Variants in TJP1 observed in about 807,000 individuals in gnomAD.
The protein encoded by TJP1 is tight junction protein ZO-1.
In TJP1, 43 loss-of-function variants were observed where a neutral mutation model predicts 194.2. The observed-to-expected ratio is 0.22, with a 90% CI of 0.17 to 0.29. TJP1 has a LOEUF of 0.29. Among genes scored for constraint, TJP1 ranks in the 10% least tolerant of loss-of-function variants. TJP1 has a pLI of 1.00. For missense variants in TJP1, 1,971 were observed against 2,185.7 expected, an observed-to-expected ratio of 0.90 and a Z score of 1.96; for synonymous variants, 801 against 779.0, an observed-to-expected ratio of 1.03 and a Z score of -0.47.
intron 27 of TJP1, among the ~76,000 whole-genome samples, chr15:29,702,693 T>A (rs2041628520): frequency 1.3e-5 from 2 of 152,220 alleles, no homozygotes; most frequent in Non-Finnish European, 2.9e-5. Context: ...AGACATTACC[T>A]AAGCAATATC....
rs114193089 is a variant in TJP1, at chr15:29,753,857, T to C, written c.1010+7282A>G. Among the ~76,000 whole-genome samples, 1,356 of 150,060 alleles carry C rather than the reference T, an allele frequency of 9.0e-3. 27 individuals carry two copies. The highest frequency in any genetic ancestry group is 0.031 in the African/African-American group (1,263 of 40,994). ...AAAAAAACAAAGGTAAAGGACCTCA[T>C]GGTGAGCCTAAAAAAGAACACGTAG... is the stretch of plus-strand genomic sequence containing the variant. On this transcript the variant is annotated intron_variant, in intron 8 of 27. Coordinates refer to ENST00000614355, the MANE Select transcript of TJP1 (RefSeq NM_001330239.4).
At chr15:29,963,362 G>C (rs1393777053) in intron 1 of TJP1, among the ~76,000 whole-genome samples, 1 of 152,092 alleles carries the variant, frequency 6.6e-6, no homozygotes, top group Non-Finnish European at 1.5e-5. Flanking sequence ...AATTGTATGA[G>C]TCTGAGCAAG....
chr15:29,942,414 T>G (rs1249542332), intron 2 of TJP1, among the ~76,000 whole-genome samples: 2 of 152,214 alleles, frequency 1.3e-5, no homozygotes, highest in Non-Finnish European at 2.9e-5. Flanking sequence ...AACCATTTTT[T>G]AAAACAAGAG....
At chr15:29,745,515 A>G (rs2044713629) in intron 8 of TJP1, among the ~76,000 whole-genome samples, 1 of 152,216 alleles carries the variant, frequency 6.6e-6, no homozygotes, top group Non-Finnish European at 1.5e-5. Context: ...TTCGGAAGCC[A>G]TAAAGGCAAG....
chr15:29,867,997 G>A (rs1312650488), intron 2 of TJP1, among the ~76,000 whole-genome samples: 1 of 149,424 alleles, frequency 6.7e-6, no homozygotes, highest in Non-Finnish European at 1.5e-5. Context: ...CAGAGAGGTT[G>A]CAGTGAGCTG....
chr15:29,870,102 A>G (rs772354434), intron 2 of TJP1, among the ~76,000 whole-genome samples: 8 of 151,346 alleles, frequency 5.3e-5, no homozygotes, highest in Non-Finnish European at 1.2e-4. Flanking sequence ...AGCCTCCCAA[A>G]GTGCTGGGAT....
At chr15:29,809,932 A>T (rs1851520) in intron 1 of TJP1, among the ~76,000 whole-genome samples, 11,941 of 152,256 alleles carry the variant, frequency 0.078, 501 homozygotes, top group African/African-American at 0.087. Context: ...TAGTACTTTT[A>T]AAAAAGACAT....
intron 2 of TJP1, among the ~76,000 whole-genome samples, chr15:29,798,906 G>A (rs1301602171): frequency 2.0e-5 from 3 of 152,164 alleles, no homozygotes; most frequent in Non-Finnish European, 2.9e-5. Context: ...AGCCTCAAAA[G>A]GCTACATGTT....
chr15:29,810,255 T>C (rs2049399060), intron 1 of TJP1, among the ~76,000 whole-genome samples: 1 of 152,190 alleles, frequency 6.6e-6, no homozygotes, highest in South Asian at 2.1e-4. Flanking sequence ...TGGCTGTAAG[T>C]TGTTAACCAT....
intron 18 of TJP1, among the ~76,000 whole-genome samples, chr15:29,723,226 C>T (rs2043039314): frequency 6.6e-6 from 1 of 152,068 alleles, no homozygotes; most frequent in Admixed American, 6.6e-5. Context: ...GATTTGTGTC[C>T]CCACCCACAT....
rs558994150 is a variant in TJP1 at position 29,907,290 on chromosome 15, C to A, written c.306+48942G>T. Among the ~76,000 whole-genome samples, 326 of 151,942 alleles carry A rather than the reference C, an allele frequency of 2.1e-3. 1 individual carries two copies. The highest frequency in any genetic ancestry group is 7.5e-3 in the African/African-American group (312 of 41,460). On this transcript the variant is annotated intron_variant, in intron 2 of 28. Transcript: ENST00000356107. ...CAGGGGTGGTGGCGGGCGCCTGTAG[C>A]CCCAGCTACTCGGGAAGCTGAGGCA...
chr15:29,822,012 G>A lies in TJP1; in HGVS notation c.17C>T (p.Ala6Val), dbSNP rs1277029729. ...CGCGGAGGCGCTCACCTTGGCGGCC[G>A]CAGCTCTGGCGGACATCTTGTCTCT... MSARA[A>V]AAKSTAMEET... is the part of the protein sequence containing the mutation. The change falls in exon 1 of 28, where the codon GCG (alanine) becomes GTG (valine). Residue 6 changes from alanine (A) to valine (V), a missense_variant. Transcript: ENST00000614355. The A allele has an allele frequency of 7.4e-7, 1 of 1,349,020 alleles. No individual in the cohort carries two copies. Among genetic ancestry groups the A allele is most frequent in the South Asian group, 2.0e-5 (1 of 49,260 alleles). 83.6% of individuals were successfully genotyped at this position (1,349,020 alleles called of 1,614,324 possible). A position where few individuals can be genotyped will look rare whatever the true frequency, so the allele number is the denominator to read the frequency against.
intron 10 of TJP1, among the ~76,000 whole-genome samples, chr15:29,737,894 CAG>C (rs1028246696): frequency 2.0e-5 from 3 of 152,208 alleles, no homozygotes; most frequent in East Asian, 1.9e-4. Flanking sequence ...CTACATGTAA[CAG>C]AGAGTGATTT....
At chr15:29,789,996 G>A (rs1177826087) in intron 2 of TJP1, among the ~76,000 whole-genome samples, 2 of 152,172 alleles carry the variant, frequency 1.3e-5, no homozygotes, top group Non-Finnish European at 2.9e-5. Context: ...GGCAGGGACT[G>A]TGCAGTTGAT....
chr15:29,916,590 G>A (rs1275567685), intron 2 of TJP1, among the ~76,000 whole-genome samples: 1 of 152,082 alleles, frequency 6.6e-6, no homozygotes, highest in East Asian at 1.9e-4. Context: ...AAAGCCCTAC[G>A]CAAACGTTGT....
At chr15:29,800,751 C>G (rs967695965) in intron 1 of TJP1, 49 bp from the exon 2 acceptor site, 1 of 1,579,498 alleles carries the variant, frequency 6.3e-7, no homozygotes, top group Non-Finnish European at 8.7e-7. Flanking sequence ...AGAAAATGTC[C>G]TTAATAAGGT....
intron 2 of TJP1, among the ~76,000 whole-genome samples, chr15:29,861,897 A>T (rs1177104036): frequency 6.6e-6 from 1 of 152,146 alleles, no homozygotes; most frequent in African/African-American, 2.4e-5. Flanking sequence ...TTTTGGTGTC[A>T]TATCTAAGCA....
intron 2 of TJP1, among the ~76,000 whole-genome samples, chr15:29,781,206 C>T (rs1372415948): frequency 2.0e-5 from 3 of 152,102 alleles, no homozygotes; most frequent in Non-Finnish European, 4.4e-5. Flanking sequence ...GCCATGCACA[C>T]AAACTAGAAA....
rs557659384 is a variant in TJP1, at chr15:29,884,718, G to A, written c.306+71514C>T. Among the ~76,000 whole-genome samples, 7 of 152,300 alleles carry A rather than the reference G, an allele frequency of 4.6e-5. No individual in the cohort carries two copies. The East Asian group carries it at 7.7e-4, about 17-fold the overall frequency. ...CTGCACTACCTAAGGCATCGATGCT[G>A]TAGCAGTTTAAGTTTACAACTGAGC... is the stretch of plus-strand genomic sequence containing the variant. On this transcript the variant is annotated intron_variant, in intron 2 of 28. Coordinates refer to the TJP1 transcript ENST00000356107.
Sources: allele counts gnomAD v4.1 joint callset (sites outside exome capture counted in the v4.1 genomes callset), GRCh38; gene constraint gnomAD v4.1.1; transcripts MANE v1.5; gene names NCBI Gene and HGNC (gene_info 2026-07-23, HGNC 2026-07-21).